CLASP1: variants seen among roughly 807,000 people sequenced by gnomAD.
CLASP1 encodes CLIP-associating protein 1.
Under a neutral mutation model 192.3 loss-of-function variants are expected in CLASP1, and 38 were observed. That is an observed-to-expected ratio of 0.20 (90% CI 0.15 to 0.26). CLASP1 has a LOEUF of 0.26. Among genes scored for constraint, CLASP1 ranks in the 10% least tolerant of loss-of-function variants. CLASP1 has a pLI of 1.00. For synonymous variants in CLASP1, 691 were observed against 712.8 expected (o/e 0.97, Z 0.49); for missense variants, 1,433 against 1,932.5 (o/e 0.74, Z 4.85).
At chr2:121,500,410 AAAG>A (rs1282958304) in intron 8 of CLASP1, among the ~76,000 whole-genome samples, 1 of 150,636 alleles carries the variant, frequency 6.6e-6, no homozygotes, top group Non-Finnish European at 1.5e-5. Context: ...AGAAAGAAAG[AAAG>A]AAAAAAAAGA....
chr2:121,430,631 A>C (rs917617804), intron 19 of CLASP1, among the ~76,000 whole-genome samples: 1 of 152,166 alleles, frequency 6.6e-6, no homozygotes, highest in Non-Finnish European at 1.5e-5. Context: ...CCAAAAAAAA[A>C]CCCAAAATAA....
intron 2 of CLASP1, among the ~76,000 whole-genome samples, chr2:121,582,620 G>A (rs545592784): frequency 6.8e-6 from 1 of 148,044 alleles, no homozygotes; most frequent in African/African-American, 2.5e-5. Flanking sequence ...AAAAGGAAAG[G>A]GAAAGGGAAA....
intron 2 of CLASP1, among the ~76,000 whole-genome samples, chr2:121,578,727 A>C: frequency 1.2e-5 from 1 of 83,624 alleles, no homozygotes; most frequent in East Asian, 4.2e-4. Flanking sequence ...ACTCCGTCTC[A>C]AAAAAAAAAA....
At position 121,553,615 on chromosome 2, in the gene CLASP1, C is replaced by T. The variant is rs1048181754; in HGVS notation, c.196-23290G>A. Among the ~76,000 whole-genome samples, 9 of 152,050 alleles carry T rather than the reference C, an allele frequency of 5.9e-5. No individual in the cohort carries two copies. In the South Asian group the frequency reaches 6.2e-4, roughly 11 times the overall value. The stretch of plus-strand genomic sequence containing the variant: ...ACTAGGTTGGCTGAGGCAGGGAAAT[C>T]GCTTGAACCTGGGAGGCAGAGGCTG... On this transcript the variant is annotated intron_variant, in intron 2 of 39. Transcript: ENST00000263710.
intron 1 of CLASP1, among the ~76,000 whole-genome samples, chr2:121,615,721 T>C (rs1321216842): frequency 6.6e-6 from 1 of 152,010 alleles, no homozygotes; most frequent in African/African-American, 2.4e-5. Context: ...GAGGTGCAAG[T>C]TGCAGTGAGC....
Position 121,561,186 on chromosome 2 carries a change from C to T in CLASP1, c.196-30861G>A, listed in dbSNP as rs1024004791. On this transcript the variant is annotated intron_variant, in intron 2 of 39. Transcript: ENST00000263710. ...CCTCCCAAAGTGCTGGGATTACAGGCATGAGCCACCACACGCAGCCCAATG... is the reference window on the plus strand; with the variant it reads ...CCTCCCAAAGTGCTGGGATTACAGGTATGAGCCACCACACGCAGCCCAATG... Among the ~76,000 whole-genome samples the T allele has an allele frequency of 5.3e-5, 8 of 152,338 alleles. No individual in the cohort carries two copies. The East Asian group carries it at 7.7e-4, about 15-fold the overall frequency.
chr2:121,476,706 G>C (rs1214726464), intron 8 of CLASP1, among the ~76,000 whole-genome samples: 3 of 152,140 alleles, frequency 2.0e-5, no homozygotes, highest in Non-Finnish European at 2.9e-5. Context: ...CTATCTCTCT[G>C]CTTCACTGCA....
intron 6 of CLASP1, among the ~76,000 whole-genome samples, chr2:121,523,308 T>A (rs1285459804): frequency 6.6e-6 from 1 of 152,266 alleles, no homozygotes; most frequent in Non-Finnish European, 1.5e-5. Flanking sequence ...GGGATTGTGC[T>A]GATCATTTGA....
chr2:121,434,455 G>A lies in CLASP1; in HGVS notation c.1913-4278C>T, dbSNP rs370135994. ...AATTTTTAAATTTTCTGTAGAGATG[G>A]GGGTCTCACTATGTTGCCCAGGCTG... On this transcript the variant is annotated intron_variant, in intron 19 of 39. Transcript: ENST00000263710. Among the ~76,000 whole-genome samples the A allele has an allele frequency of 3.8e-4, 58 of 151,714 alleles. 1 individual carries two copies. The South Asian group carries it at 0.012, about 30-fold the overall frequency.
chr2:121,430,968 T>G (rs1411397698), intron 19 of CLASP1, among the ~76,000 whole-genome samples: 1 of 145,844 alleles, frequency 6.9e-6, no homozygotes, highest in Non-Finnish European at 1.5e-5. Context: ...TGATTAGCGA[T>G]TAAACTTTAA....
chr2:121,449,098 G>T, exon 17 of CLASP1: 1 of 1,613,910 alleles, frequency 6.2e-7, no homozygotes, highest in South Asian at 1.1e-5. Flanking sequence ...CTGCTGAAGT[G>T]ACTGTGGAAA....
In CLASP1 at chr2:121,580,622, C is replaced by T. The variant is rs566426958; in HGVS notation, c.195+25079G>A. Among the ~76,000 whole-genome samples, 6 of 152,350 alleles carry T rather than the reference C, an allele frequency of 3.9e-5. No homozygotes were observed. In the South Asian group the frequency reaches 1.2e-3, roughly 32 times the overall value. On this transcript the variant is annotated intron_variant, in intron 2 of 39. Coordinates refer to ENST00000263710, the Ensembl canonical transcript of CLASP1. ...GAAAACTCTTTATAAACTACACTTGCTGCAGAGTGCACCATCGCCTGGATA... is the reference window on the plus strand; with the variant it reads ...GAAAACTCTTTATAAACTACACTTGTTGCAGAGTGCACCATCGCCTGGATA...
At chr2:121,478,848 C>CCA (rs1559368274) in intron 8 of CLASP1, among the ~76,000 whole-genome samples, 396 of 26,384 alleles carry the variant, frequency 0.015, 20 homozygotes, top group African/African-American at 0.051. Context: ...CACACACACA[C>CCA]CACACACCAC....
intron 9 of CLASP1, among the ~76,000 whole-genome samples, chr2:121,467,678 C>A (rs900760212): frequency 1.3e-5 from 2 of 152,048 alleles, no homozygotes; most frequent in South Asian, 2.1e-4. Context: ...AAGTTCTTTG[C>A]AGATTCTGGA....
At chr2:121,377,743 A>G in intron 33 of CLASP1, 94 bp from the exon 35 acceptor site, 1 of 883,012 alleles carries the variant, frequency 1.1e-6, no homozygotes, top group Admixed American at 3.3e-5. Flanking sequence ...AAAGAATAAG[A>G]CATATTTATA....
intron 8 of CLASP1, among the ~76,000 whole-genome samples, chr2:121,489,055 A>G (rs1160458823): frequency 2.0e-5 from 3 of 152,362 alleles, no homozygotes; most frequent in South Asian, 2.1e-4. Context: ...AAATATCACA[A>G]CTTAAGTCAA....
At chr2:121,459,936 T>C in intron 12 of CLASP1, 44 bp downstream of exon 12, 1 of 1,548,074 alleles carries the variant, frequency 6.5e-7, no homozygotes, top group African/African-American at 1.4e-5. Flanking sequence ...AGCTCTGTGG[T>C]GACACTATTT....
intron 2 of CLASP1, among the ~76,000 whole-genome samples, chr2:121,581,548 A>G (rs977735431): frequency 3.3e-5 from 5 of 151,970 alleles, no homozygotes; most frequent in African/African-American, 1.2e-4. Context: ...TGCTGGGATT[A>G]CAGGCATGAG....
intron 2 of CLASP1, among the ~76,000 whole-genome samples, chr2:121,542,616 C>G (rs930896666): frequency 6.6e-6 from 1 of 152,210 alleles, no homozygotes; most frequent in African/African-American, 2.4e-5. Context: ...CCTGGGTGCT[C>G]AACCCAATAA....
Sources: gnomAD v4.1 joint callset for allele counts (sites outside exome capture counted in the v4.1 genomes callset) on GRCh38, gnomAD v4.1.1 for gene constraint, MANE v1.5 for transcripts, NCBI Gene and HGNC (gene_info 2026-07-23, HGNC 2026-07-21) for gene names.